The following TDRD9 variants were observed in gnomAD, a reference collection of about 807,000 sequenced individuals.
TDRD9 encodes ATP-dependent RNA helicase TDRD9.
TDRD9 carries 124 observed loss-of-function variants against 172.6 expected under a neutral mutation model. The ratio of observed to expected loss-of-function variants is 0.72; its 90% CI spans 0.62 to 0.83. TDRD9 has a LOEUF of 0.83. TDRD9 is among the 40% of genes least tolerant of loss of function. The probability of loss-of-function intolerance (pLI) is 0.00; values close to 1 mark genes in which losing one functional copy is unlikely to be tolerated. For missense variants in TDRD9, 1,479 were observed against 1,714.1 expected, an observed-to-expected ratio of 0.86 and a Z score of 2.42; for synonymous variants, 619 against 617.1, an observed-to-expected ratio of 1.00 and a Z score of -0.05.
intron 1 of TDRD9, among the ~76,000 whole-genome samples, chr14:103,929,441 A>G (rs1224953873): frequency 6.6e-6 from 1 of 151,726 alleles, no homozygotes; most frequent in Non-Finnish European, 1.5e-5. Flanking sequence ...TCCTTTTAGC[A>G]CTGATTAATA....
chr14:104,024,778 AC>A, intron 25 of TDRD9, 98 bp downstream of exon 25: 10 of 525,328 alleles, frequency 1.9e-5, no homozygotes, highest in Admixed American at 6.6e-5. Flanking sequence ...ACACACACAC[AC>A]ACACACACAC....
At chr14:104,041,338 C>T (rs2035606073) in intron 33 of TDRD9, among the ~76,000 whole-genome samples, 2 of 152,134 alleles carry the variant, frequency 1.3e-5, no homozygotes, top group Non-Finnish European at 2.9e-5. Flanking sequence ...ATAAATACAA[C>T]ACCCAAAGCA....
At chr14:103,981,013 A>C (rs571197995) in intron 7 of TDRD9, among the ~76,000 whole-genome samples, 2 of 152,358 alleles carry the variant, frequency 1.3e-5, no homozygotes, top group South Asian at 4.1e-4. Context: ...ATATTCATAC[A>C]TAATCATATC....
chr14:103,994,678 T>C (rs2033993818), intron 11 of TDRD9, 75 bp downstream of exon 11: 1 of 1,260,454 alleles, frequency 7.9e-7, no homozygotes, highest in African/African-American at 1.5e-5. Flanking sequence ...TGAAAAATAT[T>C]TTCTGGGTGT....
At chr14:104,043,242 ATT>A (rs1180196736) in intron 34 of TDRD9, among the ~76,000 whole-genome samples, 6 of 139,244 alleles carry the variant, frequency 4.3e-5, no homozygotes, top group Non-Finnish European at 4.7e-5. Flanking sequence ...CAAGCTGGTA[ATT>A]TTTTTTTTTT....
chr14:103,998,740 G>T lies in TDRD9; in HGVS notation c.1483+12G>T. The T allele has an allele frequency of 7.2e-7, 1 of 1,384,972 alleles. No individual in the cohort carries two copies. The highest frequency in any genetic ancestry group is 1.0e-6 in the Non-Finnish European group (1 of 973,400). 85.8% of individuals were successfully genotyped at this position (1,384,972 alleles called of 1,614,324 possible). ...TAATCAGAGAAAAGGTAAGACATTT[G>T]TGTTAAAGCACAATAATGAGTCATT... On this transcript the variant is annotated intron_variant, in intron 13 of 35. Coordinates refer to ENST00000409874, the MANE Select transcript of TDRD9 (RefSeq NM_153046.3).
At chr14:103,954,375 A>G (rs2032092217) in intron 1 of TDRD9, among the ~76,000 whole-genome samples, 1 of 152,204 alleles carries the variant, frequency 6.6e-6, no homozygotes, top group Non-Finnish European at 1.5e-5. Flanking sequence ...TTACGTATCT[A>G]TTATGTCTCC....
intron 1 of TDRD9, among the ~76,000 whole-genome samples, chr14:103,947,400 T>C (rs2031624856): frequency 6.6e-6 from 1 of 152,016 alleles, no homozygotes; most frequent in Non-Finnish European, 1.5e-5. Context: ...CGATTTCTAC[T>C]CACTGCAAGC....
chr14:104,041,421 T>C (rs566591635), intron 33 of TDRD9, among the ~76,000 whole-genome samples: 83 of 152,274 alleles, frequency 5.5e-4, no homozygotes, highest in Non-Finnish European at 9.0e-4. Flanking sequence ...AAAGACCCTC[T>C]TCAGAGGAAG....
intron 21 of TDRD9, among the ~76,000 whole-genome samples, chr14:104,015,273 G>A (rs1418461287): frequency 6.6e-6 from 1 of 152,214 alleles, no homozygotes; most frequent in Non-Finnish European, 1.5e-5. Context: ...CAAATTACTA[G>A]TAGTTAGCTG....
intron 1 of TDRD9, among the ~76,000 whole-genome samples, chr14:103,953,212 C>A (rs930324477): frequency 6.6e-6 from 1 of 152,192 alleles, no homozygotes; most frequent in Non-Finnish European, 1.5e-5. Context: ...CCCAGCTCCT[C>A]CCTGATACTT....
intron 32 of TDRD9, among the ~76,000 whole-genome samples, chr14:104,036,173 C>A (rs117295312): frequency 2.0e-5 from 3 of 151,670 alleles, no homozygotes; most frequent in African/African-American, 7.3e-5. Flanking sequence ...CCACAAATAC[C>A]AGGTTTTTCA....
At position 103,928,486 on chromosome 14, in the gene TDRD9, G is replaced by A. The variant is rs779062965; in HGVS notation, c.-24G>A. The A allele has an allele frequency of 1.0e-5, 15 of 1,430,458 alleles. No individual in the cohort carries two copies. The highest frequency in any genetic ancestry group is 1.4e-5 in the Non-Finnish European group (15 of 1,082,520). 88.6% of individuals were successfully genotyped at this position (1,430,458 alleles called of 1,614,324 possible). Reference sequence around the variant, plus strand: ...CGCCGCGGAGACCCGGCAGTTGGGGGATGCCGACGCCTGGGCCTTGAGGAT... The same window carrying A: ...CGCCGCGGAGACCCGGCAGTTGGGGAATGCCGACGCCTGGGCCTTGAGGAT... On this transcript the variant is annotated 5_prime_UTR_variant, in exon 1 of 36. Coordinates refer to ENST00000409874, the MANE Select transcript of TDRD9 (RefSeq NM_153046.3).
chr14:103,938,434 ATATATAT>A lies in TDRD9; in HGVS notation c.215+9712_215+9718del, dbSNP rs1239323355. ...TGTGTGTATATATATATATATATAT[ATATATAT>A]TTTTTTTTTTTTTTTGAGATGGTGT... is the stretch of plus-strand genomic sequence containing the variant. On this transcript the variant is annotated intron_variant, in intron 1 of 35. Coordinates refer to ENST00000409874, the MANE Select transcript of TDRD9 (RefSeq NM_153046.3). Among the ~76,000 whole-genome samples, 192 of 34,922 alleles carry A rather than the reference ATATATAT, an allele frequency of 5.5e-3. 2 individuals are homozygous for A. Among genetic ancestry groups the A allele is most frequent in the African/African-American group, 0.019 (186 of 9,994 alleles). 22.9% of individuals were successfully genotyped at this position (34,922 alleles called of 152,430 possible). A position where few individuals can be genotyped will look rare whatever the true frequency, so the allele number is the denominator to read the frequency against.
chr14:103,975,581 T>G (rs1167385753), intron 7 of TDRD9, 28 bp downstream of exon 7: 1 of 1,569,116 alleles, frequency 6.4e-7, no homozygotes, highest in South Asian at 1.2e-5. Flanking sequence ...GTTTCTTTTA[T>G]AGTGAGCGTA....
chr14:103,939,741 GTGT>G (rs1419506281), intron 1 of TDRD9: 1 of 4,642 alleles, frequency 2.2e-4, no homozygotes, highest in African/African-American at 3.9e-4. Context: ...TTGAAAAAAA[GTGT>G]TTTTTTTTTT....
chr14:103,963,816 TA>T (rs2032617503), intron 3 of TDRD9, among the ~76,000 whole-genome samples: 1 of 152,216 alleles, frequency 6.6e-6, no homozygotes, highest in Admixed American at 6.5e-5. Context: ...ATCATGCAAC[TA>T]AAAATTAGAG....
intron 3 of TDRD9, among the ~76,000 whole-genome samples, chr14:103,964,722 A>G (rs1293762551): frequency 2.6e-5 from 4 of 151,846 alleles, no homozygotes; most frequent in African/African-American, 7.3e-5. Context: ...GCAGGGTTTC[A>G]CCATATTGGC....
intron 1 of TDRD9, among the ~76,000 whole-genome samples, chr14:103,949,522 A>G (rs1341060923): frequency 1.5e-4 from 23 of 152,150 alleles, no homozygotes; most frequent in Non-Finnish European, 2.9e-5. Flanking sequence ...ATTATAAACA[A>G]TTTCATGTAT....
Sources: allele counts gnomAD v4.1 joint callset (sites outside exome capture counted in the v4.1 genomes callset), GRCh38; gene constraint gnomAD v4.1.1; transcripts MANE v1.5; gene names NCBI Gene and HGNC (gene_info 2026-07-23, HGNC 2026-07-21).